The following ZC3H12B variants were observed in gnomAD, a reference collection of about 807,000 sequenced individuals.
ZC3H12B encodes probable ribonuclease ZC3H12B.
ZC3H12B carries 7 observed loss-of-function variants against 43.9 expected under a neutral mutation model. That is an observed-to-expected ratio of 0.16 (90% CI 0.09 to 0.30). The LOEUF (loss-of-function observed/expected upper bound fraction) is 0.30. Ranked by LOEUF, ZC3H12B falls within the 10% of genes least tolerant of loss-of-function variation. ZC3H12B has a pLI of 1.00. For synonymous variants in ZC3H12B, 222 were observed against 241.7 expected (o/e 0.92, Z 0.76); for missense variants, 475 against 670.2 (o/e 0.71, Z 3.22).
the ZC3H12B span, among the ~76,000 whole-genome samples, chrX:65,079,204 C>G: frequency 8.9e-6 from 1 of 112,816 alleles, no homozygotes; most frequent in East Asian, 2.8e-4. Context: ...AGTGGCAGTA[C>G]AAGAGAACAC....
At chrX:65,356,559 C>T in the ZC3H12B span, among the ~76,000 whole-genome samples, 1 of 111,985 alleles carries the variant, frequency 8.9e-6, no homozygotes, top group Non-Finnish European at 1.9e-5. Context: ...AAAATTCCTT[C>T]ATTGACTGTA....
At chrX:65,346,010 G>GA in the ZC3H12B span, among the ~76,000 whole-genome samples, 15 of 110,289 alleles carry the variant, frequency 1.4e-4, no homozygotes, top group South Asian at 2.3e-3. Flanking sequence ...TCATGGACTG[G>GA]AAAAAAAATC....
chrX:65,286,077 A>T, the ZC3H12B span, among the ~76,000 whole-genome samples: 1 of 111,737 alleles, frequency 8.9e-6, no homozygotes, highest in Admixed American at 9.5e-5. Context: ...TACCCAAAGA[A>T]AAATACATTA....
At chrX:65,227,855 C>G in the ZC3H12B span, among the ~76,000 whole-genome samples, 13 of 111,328 alleles carry the variant, frequency 1.2e-4, no homozygotes, top group Admixed American at 2.9e-4. Flanking sequence ...TCTCTGAATA[C>G]ACCAATAAGA....
the ZC3H12B span, among the ~76,000 whole-genome samples, chrX:65,173,112 A>T: frequency 1.8e-5 from 2 of 111,743 alleles, no homozygotes; most frequent in Non-Finnish European, 3.8e-5. Flanking sequence ...AGAGATTTGT[A>T]GTTCTCTTTG....
At chrX:65,110,084 G>C in the ZC3H12B span, among the ~76,000 whole-genome samples, 1 of 110,791 alleles carries the variant, frequency 9.0e-6, no homozygotes, top group Admixed American at 9.7e-5. Flanking sequence ...TTATGTGCGT[G>C]TTTGCCATCT....
At chrX:65,228,978 C>A in the ZC3H12B span, among the ~76,000 whole-genome samples, 4 of 111,276 alleles carry the variant, frequency 3.6e-5, no homozygotes, top group African/African-American at 9.8e-5. Context: ...TTGTAGATTC[C>A]ATGCCATCCC....
At chrX:65,301,401 A>T in the ZC3H12B span, among the ~76,000 whole-genome samples, 1 of 111,818 alleles carries the variant, frequency 8.9e-6, no homozygotes, top group Admixed American at 9.5e-5. Context: ...TAGCAGCACA[A>T]TTTGCAATTG....
the ZC3H12B span, among the ~76,000 whole-genome samples, chrX:65,147,563 C>G: frequency 4.5e-5 from 5 of 111,447 alleles, no homozygotes; most frequent in African/African-American, 1.6e-4. Flanking sequence ...GACCTGGCCC[C>G]TAGGTCCACT....
At chrX:65,266,881 G>A in the ZC3H12B span, among the ~76,000 whole-genome samples, 1 of 110,618 alleles carries the variant, frequency 9.0e-6, no homozygotes, top group African/African-American at 3.3e-5. Context: ...AGCACACCAG[G>A]GCAAGGGACA....
chrX:65,465,894 T>A (rs1240772796), intron 3 of ZC3H12B, among the ~76,000 whole-genome samples: 7 of 110,233 alleles, frequency 6.4e-5, no homozygotes, highest in Admixed American at 5.9e-4. Flanking sequence ...TTATATATAT[T>A]TTTTTGATAT....
chrX:65,428,537 G>A (rs1391667385), intron 3 of ZC3H12B, among the ~76,000 whole-genome samples: 2 of 112,153 alleles, frequency 1.8e-5, no homozygotes, highest in Non-Finnish European at 3.8e-5. Flanking sequence ...CCTCCATTTG[G>A]TCTATTCTGC....
intron 3 of ZC3H12B, among the ~76,000 whole-genome samples, chrX:65,472,393 T>C (rs2067928554): frequency 1.1e-5 from 1 of 87,920 alleles, no homozygotes; most frequent in African/African-American, 1.2e-4. Flanking sequence ...TTTTTTTTGT[T>C]TTTTTTGTTT....
intron 2 of ZC3H12B, among the ~76,000 whole-genome samples, chrX:65,375,704 C>G (rs1186964335): frequency 1.8e-5 from 2 of 111,125 alleles, no homozygotes; most frequent in Non-Finnish European, 3.8e-5. Flanking sequence ...AGAAGGGAAC[C>G]CACCACCTTG....
chrX:65,130,043 G>A, the ZC3H12B span, among the ~76,000 whole-genome samples: 1 of 111,718 alleles, frequency 9.0e-6, no homozygotes, highest in African/African-American at 3.3e-5. Context: ...GGAGGACCCA[G>A]GACATTTAAT....
chrX:65,425,715 T>A (rs2067073100), intron 3 of ZC3H12B, among the ~76,000 whole-genome samples: 1 of 112,062 alleles, frequency 8.9e-6, no homozygotes, highest in African/African-American at 3.2e-5. Flanking sequence ...TCTATTGAGT[T>A]AATCATGTAG....
intron 1 of ZC3H12B, among the ~76,000 whole-genome samples, chrX:65,490,168 A>G (rs756534463): frequency 1.8e-5 from 2 of 111,005 alleles, no homozygotes; most frequent in South Asian, 7.6e-4. Flanking sequence ...GACTTTGCAA[A>G]TGTGATTAAG....
upstream of ZC3H12B, among the ~76,000 whole-genome samples, chrX:65,486,232 G>C (rs1211958344): frequency 2.7e-5 from 3 of 112,012 alleles, no homozygotes; most frequent in Non-Finnish European, 5.6e-5. Context: ...ATAACTATTA[G>C]TAAACACTCC....
the ZC3H12B span, among the ~76,000 whole-genome samples, chrX:65,326,285 C>T: frequency 9.0e-6 from 1 of 111,336 alleles, no homozygotes; most frequent in Non-Finnish European, 1.9e-5. Flanking sequence ...CAGTTAATGA[C>T]CAAAATCTAT....
Sources: allele counts gnomAD v4.1 joint callset (sites outside exome capture counted in the v4.1 genomes callset), GRCh38; gene constraint gnomAD v4.1.1; transcripts MANE v1.5; gene names NCBI Gene and HGNC (gene_info 2026-07-23, HGNC 2026-07-21).